Variants in CENPW observed in about 807,000 individuals in gnomAD.
CENPW encodes the protein cancer-up-regulated gene 2 protein.
CENPW carries 3 observed loss-of-function variants against 11.1 expected under a neutral mutation model. The observed-to-expected ratio is 0.27, with a 90% CI of 0.12 to 0.70. CENPW has a LOEUF of 0.70. Ranked by LOEUF, CENPW falls within the 30% of genes least tolerant of loss-of-function variation. The pLI, the probability that CENPW is intolerant of heterozygous loss-of-function variation, is 0.77. For missense variants in CENPW, 100 were observed against 105.6 expected (o/e 0.95, Z 0.23); for synonymous variants, 38 against 42.0 (o/e 0.91, Z 0.37).
chr6:126,443,351 C>G, the CENPW span, among the ~76,000 whole-genome samples: 9 of 151,194 alleles, frequency 6.0e-5, no homozygotes, highest in African/African-American at 2.2e-4. Context: ...TTGCTCACTG[C>G]ATTCCTGTAG....
chr6:126,376,978 G>T, the CENPW span, among the ~76,000 whole-genome samples: 1 of 152,100 alleles, frequency 6.6e-6, no homozygotes, highest in Non-Finnish European at 1.5e-5. Flanking sequence ...AGGTAAAGGT[G>T]ATATTCAACT....
chr6:126,397,505 A>G, the CENPW span, among the ~76,000 whole-genome samples: 2 of 152,166 alleles, frequency 1.3e-5, no homozygotes, highest in African/African-American at 4.8e-5. Context: ...GTAATATAAA[A>G]TTATTACAAA....
the CENPW span, among the ~76,000 whole-genome samples, chr6:126,463,678 C>T: frequency 1.3e-5 from 2 of 151,738 alleles, no homozygotes; most frequent in Admixed American, 1.3e-4. Flanking sequence ...AATTTTATGC[C>T]AATAAGTTAG....
At chr6:126,389,271 A>C in the CENPW span, among the ~76,000 whole-genome samples, 9 of 152,086 alleles carry the variant, frequency 5.9e-5, no homozygotes, top group East Asian at 1.2e-3. Flanking sequence ...GACAATTGCT[A>C]TCTACAGTTG....
chr6:126,477,881 ACTC>A, the CENPW span, among the ~76,000 whole-genome samples: 3 of 151,582 alleles, frequency 2.0e-5, no homozygotes, highest in Non-Finnish European at 2.9e-5. Flanking sequence ...CCACCAGTTT[ACTC>A]CTCTTATTGC....
At chr6:126,368,854 C>T in the CENPW span, among the ~76,000 whole-genome samples, 1 of 152,002 alleles carries the variant, frequency 6.6e-6, no homozygotes, top group Non-Finnish European at 1.5e-5. Flanking sequence ...ACTGTGTTAG[C>T]CAGGATGGTC....
the CENPW span, among the ~76,000 whole-genome samples, chr6:126,480,065 C>A: frequency 6.6e-6 from 1 of 151,934 alleles, no homozygotes. Context: ...AGGTTTAGTG[C>A]ATGTTATAGT....
the CENPW span, among the ~76,000 whole-genome samples, chr6:126,419,854 T>C: frequency 2.6e-5 from 4 of 152,200 alleles, no homozygotes; most frequent in Non-Finnish European, 5.9e-5. Flanking sequence ...ATAAGAATCC[T>C]AATGATTATA....
chr6:126,461,981 T>G, the CENPW span, among the ~76,000 whole-genome samples: 1 of 151,940 alleles, frequency 6.6e-6, no homozygotes, highest in Non-Finnish European at 1.5e-5. Flanking sequence ...AATTGTCCAG[T>G]AAATTACTTC....
the CENPW span, among the ~76,000 whole-genome samples, chr6:126,443,768 AT>A: frequency 6.6e-6 from 1 of 151,168 alleles, no homozygotes; most frequent in African/African-American, 2.4e-5. Flanking sequence ...GAATTTAATT[AT>A]TACTACTGCT....
chr6:126,340,560 A>G (rs1192432200), intron 1 of CENPW, 161 bp downstream of exon 1: 2 of 956,062 alleles, frequency 2.1e-6, no homozygotes, highest in South Asian at 3.3e-5. Flanking sequence ...CCACCCTGGC[A>G]TGTCAGTTCA....
chr6:126,445,742 T>C, the CENPW span, among the ~76,000 whole-genome samples: 1 of 151,210 alleles, frequency 6.6e-6, no homozygotes, highest in Non-Finnish European at 1.5e-5. Context: ...TTAAAATTGA[T>C]TTAGCTTACA....
downstream of CENPW, among the ~76,000 whole-genome samples, chr6:126,352,253 G>A (rs574573290): frequency 6.6e-6 from 1 of 152,236 alleles, no homozygotes; most frequent in African/African-American, 2.4e-5. Context: ...TGTCCTGCAA[G>A]CCAAGTTACT....
chr6:126,342,015 C>T (rs1029912705), intron 1 of CENPW, among the ~76,000 whole-genome samples: 2 of 152,142 alleles, frequency 1.3e-5, no homozygotes, highest in Non-Finnish European at 2.9e-5. Context: ...GTATGCTCGT[C>T]GTGTTTGGCT....
chr6:126,470,578 C>A, the CENPW span, among the ~76,000 whole-genome samples: 1 of 152,196 alleles, frequency 6.6e-6, no homozygotes, highest in Non-Finnish European at 1.5e-5. Flanking sequence ...GAGAAGAGAG[C>A]CACCATCCTC....
chr6:126,379,896 AC>A, the CENPW span, among the ~76,000 whole-genome samples: 1 of 152,188 alleles, frequency 6.6e-6, no homozygotes, highest in East Asian at 1.9e-4. Context: ...TATTGCAACA[AC>A]TTTTATTTTT....
At chr6:126,392,169 T>C in the CENPW span, among the ~76,000 whole-genome samples, 2 of 151,906 alleles carry the variant, frequency 1.3e-5, no homozygotes, top group South Asian at 4.1e-4. Flanking sequence ...TTGTAGATTT[T>C]ATTGTAGAAA....
chr6:126,416,645 G>A, the CENPW span, among the ~76,000 whole-genome samples: 1 of 152,292 alleles, frequency 6.6e-6, no homozygotes, highest in East Asian at 1.9e-4. Context: ...ATGGCTGAAA[G>A]GGGCCAATGT....
the CENPW span, among the ~76,000 whole-genome samples, chr6:126,447,421 A>C: frequency 6.6e-6 from 1 of 151,224 alleles, no homozygotes; most frequent in African/African-American, 2.4e-5. Flanking sequence ...AAAAATTATG[A>C]AAATGACAGG....
Sources: gnomAD v4.1 joint callset for allele counts (sites outside exome capture counted in the v4.1 genomes callset) on GRCh38, gnomAD v4.1.1 for gene constraint, MANE v1.5 for transcripts, NCBI Gene and HGNC (gene_info 2026-07-23, HGNC 2026-07-21) for gene names.